Variants in DDX10 observed in about 807,000 individuals in gnomAD.
DDX10 encodes probable ATP-dependent RNA helicase DDX10.
A neutral mutation model predicts 104.3 loss-of-function variants in DDX10; 74 were observed. That is an observed-to-expected ratio of 0.71 (90% CI 0.59 to 0.86). DDX10 has a LOEUF of 0.86. Among genes scored for constraint, DDX10 ranks in the 40% least tolerant of loss-of-function variants. The probability of loss-of-function intolerance (pLI) is 0.00; values close to 1 mark genes in which losing one functional copy is unlikely to be tolerated. For synonymous variants in DDX10, 351 were observed against 353.4 expected, an observed-to-expected ratio of 0.99 and a Z score of 0.08; for missense variants, 952 against 1,040.0, an observed-to-expected ratio of 0.92 and a Z score of 1.16.
chr11:108,932,317 C>T (rs1437446965), intron 17 of DDX10, among the ~76,000 whole-genome samples: 1 of 151,898 alleles, frequency 6.6e-6, no homozygotes, highest in Non-Finnish European at 1.5e-5. Context: ...GCAAAATTTA[C>T]CTTCTCCTTC....
intron 13 of DDX10, among the ~76,000 whole-genome samples, chr11:108,829,248 C>T (rs1214845010): frequency 2.0e-5 from 3 of 152,198 alleles, no homozygotes; most frequent in Non-Finnish European, 4.4e-5. Flanking sequence ...TTCACTGCAT[C>T]CATGCCAACA....
intron 11 of DDX10, among the ~76,000 whole-genome samples, chr11:108,718,211 A>G (rs1380700833): frequency 6.6e-5 from 10 of 152,048 alleles, no homozygotes; most frequent in African/African-American, 2.4e-4. Context: ...TAAGTGGAAG[A>G]CCTGAGACTG....
chr11:108,757,852 G>GA (rs2094346298), intron 13 of DDX10, among the ~76,000 whole-genome samples: 1 of 151,898 alleles, frequency 6.6e-6, no homozygotes, highest in South Asian at 2.1e-4. Flanking sequence ...TCGACTCTGT[G>GA]ATCGATCTCT....
chr11:108,766,968 T>A (rs1255984015), intron 13 of DDX10, among the ~76,000 whole-genome samples: 1 of 152,214 alleles, frequency 6.6e-6, no homozygotes, highest in Non-Finnish European at 1.5e-5. Flanking sequence ...ACCCTTTTAT[T>A]ACGTAATAGA....
At chr11:108,798,646 A>C (rs1471844569) in intron 13 of DDX10, among the ~76,000 whole-genome samples, 1 of 152,156 alleles carries the variant, frequency 6.6e-6, no homozygotes, top group Non-Finnish European at 1.5e-5. Context: ...TTGAATATCA[A>C]ATCTTGTACG....
intron 13 of DDX10, among the ~76,000 whole-genome samples, chr11:108,797,380 C>T (rs559410014): frequency 4.6e-5 from 7 of 152,134 alleles, no homozygotes; most frequent in Admixed American, 1.3e-4. Context: ...ATTACGGCAG[C>T]GCAAAATGGA....
intron 13 of DDX10, among the ~76,000 whole-genome samples, chr11:108,760,675 GT>G (rs201234836): frequency 0.041 from 5,289 of 129,576 alleles, 172 homozygotes; most frequent in African/African-American, 0.1. Flanking sequence ...ACATAACACT[GT>G]TTTTTTTTTT....
chr11:108,844,980 AG>A (rs1174273612), intron 15 of DDX10, among the ~76,000 whole-genome samples: 1 of 152,142 alleles, frequency 6.6e-6, no homozygotes, highest in Non-Finnish European at 1.5e-5. Flanking sequence ...GCAGATCACA[AG>A]GTCAGGAGAT....
chr11:108,692,858 G>A (rs1306195351), intron 8 of DDX10, among the ~76,000 whole-genome samples: 10 of 152,038 alleles, frequency 6.6e-5, no homozygotes, highest in Admixed American at 6.6e-4. Flanking sequence ...CCAGCAGCTG[G>A]GACTACAGGC....
At chr11:108,820,500 A>G (rs1334875726) in intron 13 of DDX10, among the ~76,000 whole-genome samples, 1 of 152,168 alleles carries the variant, frequency 6.6e-6, no homozygotes, top group Non-Finnish European at 1.5e-5. Context: ...TTCCGTTACT[A>G]TTCTCCCTTC....
intron 6 of DDX10, 74 bp downstream of exon 6, chr11:108,679,634 CTG>C: frequency 8.7e-7 from 1 of 1,145,734 alleles, no homozygotes. Flanking sequence ...TTTTAAATAT[CTG>C]TTTTCTGGGA....
chr11:108,921,312 G>T (rs1336107072), intron 17 of DDX10: 1 of 152,220 alleles, frequency 6.6e-6, no homozygotes, highest in East Asian at 1.9e-4. Flanking sequence ...TTTGACAGTG[G>T]TAATTGCTGT....
Position 108,728,504 on chromosome 11 carries a change from C to CTTTTTTTTTTTTT in DDX10, c.1965+5057_1965+5069dup, listed in dbSNP as rs71050884. Among the ~76,000 whole-genome samples, 5 of 121,822 alleles carry CTTTTTTTTTTTTT rather than the reference C, an allele frequency of 4.1e-5. 2 individuals are homozygous for CTTTTTTTTTTTTT. The highest frequency in any genetic ancestry group is 2.0e-4 in the African/African-American group (5 of 24,434). The allele number at this position is 121,822 out of a possible 152,430, so 79.9% of individuals were successfully genotyped here. On this transcript the variant is annotated intron_variant, in intron 13 of 17. Coordinates refer to ENST00000322536, the MANE Select transcript of DDX10 (RefSeq NM_004398.4). ...TTTTAAGTATACATACACATTTGTT[C>CTTTTTTTTTTTTT]TTTTTTTTTTTTTTTTTTTTTTTTT...
At chr11:108,906,087 T>C (rs1195055510) in intron 16 of DDX10, among the ~76,000 whole-genome samples, 6 of 152,214 alleles carry the variant, frequency 3.9e-5, no homozygotes, top group Admixed American at 6.5e-5. Flanking sequence ...TTTTTGTATA[T>C]ATTAATCCTT....
chr11:108,816,802 C>T (rs1270671881), intron 13 of DDX10, among the ~76,000 whole-genome samples: 1 of 152,194 alleles, frequency 6.6e-6, no homozygotes, highest in East Asian at 1.9e-4. Flanking sequence ...GATCCGCTCT[C>T]TTTGGCTTCC....
At chr11:108,704,545 C>T (rs191268012) in intron 9 of DDX10, among the ~76,000 whole-genome samples, 14 of 152,240 alleles carry the variant, frequency 9.2e-5, no homozygotes, top group East Asian at 5.8e-4. Flanking sequence ...TCAGAAGTTA[C>T]GACATCTCTC....
intron 13 of DDX10, among the ~76,000 whole-genome samples, chr11:108,783,734 G>A (rs1365103976): frequency 6.6e-6 from 1 of 152,132 alleles, no homozygotes; most frequent in East Asian, 1.9e-4. Context: ...TTACATGGCT[G>A]TATTGCATGT....
At chr11:108,676,000 G>A (rs1260656319) in intron 3 of DDX10, among the ~76,000 whole-genome samples, 1 of 152,206 alleles carries the variant, frequency 6.6e-6, no homozygotes, top group East Asian at 1.9e-4. Context: ...TGATGGAAGT[G>A]GAGTGCTCCA....
intron 13 of DDX10, among the ~76,000 whole-genome samples, chr11:108,754,376 A>G (rs1005727678): frequency 2.0e-5 from 3 of 152,050 alleles, no homozygotes; most frequent in African/African-American, 7.2e-5. Flanking sequence ...GTTTATGTTG[A>G]TAGTGTCAAG....
Sources: gnomAD v4.1 joint callset for allele counts (sites outside exome capture counted in the v4.1 genomes callset) on GRCh38, gnomAD v4.1.1 for gene constraint, MANE v1.5 for transcripts, NCBI Gene and HGNC (gene_info 2026-07-23, HGNC 2026-07-21) for gene names.